Variants in PAQR9 observed in about 807,000 individuals in gnomAD.
The protein encoded by PAQR9 is progestin and adipoQ receptor family member 9.
PAQR9 carries 12 observed loss-of-function variants against 24.0 expected under a neutral mutation model. The ratio of observed to expected loss-of-function variants is 0.50; its 90% CI spans 0.32 to 0.81. The LOEUF is 0.81. Ranked by LOEUF, PAQR9 falls within the 30% of genes least tolerant of loss-of-function variation. The pLI, the probability that PAQR9 is intolerant of heterozygous loss-of-function variation, is 0.03. For missense variants in PAQR9, 418 were observed against 520.8 expected, an observed-to-expected ratio of 0.80 and a Z score of 1.92; for synonymous variants, 266 against 237.6, an observed-to-expected ratio of 1.12 and a Z score of -1.10.
rs768622994 is a variant in PAQR9 at position 142,958,443 on chromosome 3, G to C, written c.*3760C>G. On this transcript the variant is annotated 3_prime_UTR_variant, in exon 1 of 1. Transcript: ENST00000340634. The stretch of plus-strand genomic sequence containing the variant: ...CCTGTCACCTTGGACCAACTATAAA[G>C]CTTTGAAATGGAGATAACTCCCACC... Among the ~76,000 whole-genome samples, 6 of 152,154 alleles carry C rather than the reference G, an allele frequency of 3.9e-5. No individual in the cohort carries two copies. The highest frequency in any genetic ancestry group is 7.3e-5 in the Non-Finnish European group (5 of 68,034).
At position 142,963,301 on chromosome 3, in the gene PAQR9, T is replaced by G; in HGVS notation, c.36A>C (p.Thr12=). ...PRRLQPRGAG[T]KGPPAPAPAA... ...CCGGGGCCGGGGCCGGAGGGCCTTT[T>G]GTGCCCGCGCCCCGGGGCTGCAGGC... The change falls in exon 1 of 1, where the codon ACA becomes ACC. Residue 12 remains threonine (T), a synonymous_variant. Transcript: ENST00000340634. The G allele has an allele frequency of 7.0e-7, 1 of 1,429,612 alleles. No homozygotes were observed. Among genetic ancestry groups the G allele is most frequent in the Non-Finnish European group, 9.1e-7 (1 of 1,099,126 alleles). The allele number at this position is 1,429,612 out of a possible 1,614,324, so 88.6% of individuals were successfully genotyped here.
rs140928660 is a variant in PAQR9 at position 142,960,374 on chromosome 3, C to T, written c.*1829G>A. On this transcript the variant is annotated 3_prime_UTR_variant, in exon 1 of 1. Transcript: ENST00000340634. Reference sequence around the variant, plus strand: ...CATGATCTAAGTTATATCATAAAATCAAGATGCACCTGTGGGACATGATCA... The same window carrying T: ...CATGATCTAAGTTATATCATAAAATTAAGATGCACCTGTGGGACATGATCA... 5 of 152,320 alleles carry T rather than the reference C, an allele frequency of 3.3e-5. No homozygotes were observed. The East Asian group carries it at 9.6e-4, about 29-fold the overall frequency. The allele number at this position is 152,320 out of a possible 1,614,324, so 9.4% of individuals were successfully genotyped here. A position where few individuals can be genotyped will look rare whatever the true frequency, so the allele number is the denominator to read the frequency against.
downstream of PAQR9, among the ~76,000 whole-genome samples, chr3:142,951,410 A>G (rs1047242144): frequency 3.9e-5 from 6 of 152,214 alleles, no homozygotes; most frequent in African/African-American, 1.4e-4. Context: ...TGTTTTGCCA[A>G]GGAAAATTAA....
downstream of PAQR9, among the ~76,000 whole-genome samples, chr3:142,951,338 C>CT (rs964604497): frequency 3.5e-4 from 54 of 152,216 alleles, no homozygotes; most frequent in African/African-American, 1.3e-3. Context: ...CCTAGTGTTT[C>CT]TTTTTTTGCT....
rs1031579917 is a variant in PAQR9 at position 142,963,340 on chromosome 3, GC to G, written c.-5del. On this transcript the variant is annotated 5_prime_UTR_variant, in exon 1 of 1. Coordinates refer to ENST00000340634, the MANE Select transcript of PAQR9 (RefSeq NM_198504.4). ...GGGGCTGCAGGCGCCGCGGCATGGT[GC>G]CCGGGGCTCGGCTAGGGCGCGCGCA... 1.4e-5 allele frequency: 19 copies of G among 1,336,840 alleles called. No individual in the cohort carries two copies. In the African/African-American group the frequency reaches 3.0e-4, roughly 21 times the overall value. 82.8% of individuals were successfully genotyped at this position (1,336,840 alleles called of 1,614,324 possible). A position where few individuals can be genotyped will look rare whatever the true frequency, so the allele number is the denominator to read the frequency against.
chr3:142,961,984 CT>C lies in PAQR9; in HGVS notation c.*218del. On this transcript the variant is annotated 3_prime_UTR_variant, in exon 1 of 1. Coordinates refer to ENST00000340634, the MANE Select transcript of PAQR9 (RefSeq NM_198504.4). Reference sequence around the variant, plus strand: ...TTTTTCCAGGGGCAAGAACAAGTGACTATCTCCCTCCCGCTTGACCACCCCT... The same window carrying C: ...TTTTTCCAGGGGCAAGAACAAGTGACATCTCCCTCCCGCTTGACCACCCCT... The C allele has an allele frequency of 1.8e-6, 1 of 554,920 alleles. No homozygotes were observed. Among genetic ancestry groups the C allele is most frequent in the Non-Finnish European group, 3.2e-6 (1 of 314,904 alleles). 34.4% of individuals were successfully genotyped at this position (554,920 alleles called of 1,614,324 possible).
chr3:142,952,066 G>A (rs1027167386), downstream of PAQR9, among the ~76,000 whole-genome samples: 1 of 150,648 alleles, frequency 6.6e-6, no homozygotes, highest in Non-Finnish European at 1.5e-5. Context: ...GGTGTTGTTA[G>A]AGTGTGACAT....
chr3:142,963,015 T>G lies in PAQR9; in HGVS notation c.322A>C (p.Ser108Arg), dbSNP rs754493525. 1.9e-6 allele frequency: 3 copies of G among 1,613,786 alleles called. No individual in the cohort carries two copies. In the African/African-American group the frequency reaches 4.0e-5, roughly 22 times the overall value. Residue 108 changes from serine to arginine, a missense_variant, in exon 1 of 1, where the codon AGC (serine) becomes CGC (arginine). Physicochemically the swap from Ser to Arg is moderately radical, Grantham distance 110. Around this residue, in one of 3 missense-constraint regions of PAQR9, gnomAD observed 180 missense variants for 190.3 expected, o/e 0.95. Transcript: ENST00000340634. ...LSKFCRLFFL[S>R]GGDVPFHHPW... Reference sequence around the variant, plus strand: ...TGGTGGAAGGGCACGTCGCCGCCGCTCAGGAAGAACAGACGGCAGAACTTG... The same window carrying G: ...TGGTGGAAGGGCACGTCGCCGCCGCGCAGGAAGAACAGACGGCAGAACTTG...
chr3:142,962,041 G>A lies in PAQR9; in HGVS notation c.*162C>T, dbSNP rs1934900693. ...CCTCCCTACTTCAAAGCCTCCAGTG[G>A]GTTGGGATCCCTTTGTAGCAGTGAA... On this transcript the variant is annotated 3_prime_UTR_variant, in exon 1 of 1. Transcript: ENST00000340634. 2 of 823,754 alleles carry A rather than the reference G, an allele frequency of 2.4e-6. No homozygotes were observed. Among genetic ancestry groups the A allele is most frequent in the Non-Finnish European group, 3.8e-6 (2 of 525,236 alleles). The allele number at this position is 823,754 out of a possible 1,614,324, so 51.0% of individuals were successfully genotyped here. A position where few individuals can be genotyped will look rare whatever the true frequency, so the allele number is the denominator to read the frequency against.
downstream of PAQR9, chr3:142,952,762 G>A (rs1263373549): frequency 2.2e-6 from 1 of 456,674 alleles, no homozygotes; most frequent in South Asian, 1.5e-5. Flanking sequence ...GAAAAAACAA[G>A]AAGAGTGGGG....
exon 3 of PAQR9, chr3:142,949,200 A>C (rs1321638032): frequency 1.3e-5 from 2 of 152,230 alleles, no homozygotes; most frequent in Non-Finnish European, 2.9e-5. Flanking sequence ...AGAATTATTT[A>C]TTTCCTTAAA....
chr3:142,959,109 G>T lies in PAQR9; in HGVS notation c.*3094C>A, dbSNP rs1369948139. On this transcript the variant is annotated 3_prime_UTR_variant, in exon 1 of 1. Coordinates refer to ENST00000340634, the MANE Select transcript of PAQR9 (RefSeq NM_198504.4). ...GCTTCAAAATTCTACTGCCAAAATAGGTTGTACATAGATAATGGACTGAAT... is the reference window on the plus strand; with the variant it reads ...GCTTCAAAATTCTACTGCCAAAATATGTTGTACATAGATAATGGACTGAAT... 6.6e-6 allele frequency among the ~76,000 whole-genome samples: 1 copy of T among 152,156 alleles called. No homozygotes were observed. Among genetic ancestry groups the T allele is most frequent in the Non-Finnish European group, 1.5e-5 (1 of 68,036 alleles).
rs1256421623 is a variant in PAQR9 at position 142,963,290 on chromosome 3, G to T, written c.47C>A (p.Pro16Gln). The change falls in exon 1 of 1, where the codon CCG becomes CAG. Residue 16 changes from proline (P) to glutamine (Q), a missense_variant. Physicochemically the swap from Pro to Gln is moderately conservative, Grantham distance 76. This residue lies in a region of PAQR9 where 180 missense variants were observed against 190.3 expected (regional missense o/e 0.95). Coordinates refer to ENST00000340634, the MANE Select transcript of PAQR9 (RefSeq NM_198504.4). Reference sequence around the variant, plus strand: ...CCCCGAAGCTGCCGGGGCCGGGGCCGGAGGGCCTTTTGTGCCCGCGCCCCG... The same window carrying T: ...CCCCGAAGCTGCCGGGGCCGGGGCCTGAGGGCCTTTTGTGCCCGCGCCCCG... ...QPRGAGTKGP[P>Q]APAPAASGAA... The T allele has an allele frequency of 1.4e-6, 2 of 1,459,806 alleles. No homozygotes were observed. Among genetic ancestry groups the T allele is most frequent in the Non-Finnish European group, 1.8e-6 (2 of 1,111,572 alleles). The allele number at this position is 1,459,806 out of a possible 1,614,324, so 90.4% of individuals were successfully genotyped here.
rs1198046236 is a variant in PAQR9 at position 142,957,493 on chromosome 3, TA to T, written c.*4709del. On this transcript the variant is annotated 3_prime_UTR_variant, in exon 1 of 1. Transcript: ENST00000340634. ...TTCATAAGTTACAACACAAAGATCCTAAAAGGCTAGAGAGCATTAGTTAATC... is the reference window on the plus strand; with the variant it reads ...TTCATAAGTTACAACACAAAGATCCTAAAGGCTAGAGAGCATTAGTTAATC... 6.6e-6 allele frequency among the ~76,000 whole-genome samples: 1 copy of T among 152,232 alleles called. No individual in the cohort carries two copies. The highest frequency in any genetic ancestry group is 1.5e-5 in the Non-Finnish European group (1 of 68,038).
rs1233139613 is a variant in PAQR9 at position 142,960,176 on chromosome 3, T to A, written c.*2027A>T. On this transcript the variant is annotated 3_prime_UTR_variant, in exon 1 of 1. Coordinates refer to ENST00000340634, the MANE Select transcript of PAQR9 (RefSeq NM_198504.4). The stretch of plus-strand genomic sequence containing the variant: ...ATTCTAAATTAAATATAGACATATA[T>A]AAATTTAACTTCTATGTGCAAAGTA... Among the ~76,000 whole-genome samples the A allele has an allele frequency of 6.6e-6, 1 of 152,190 alleles. No individual in the cohort carries two copies. The highest frequency in any genetic ancestry group is 1.5e-5 in the Non-Finnish European group (1 of 68,032).
chr3:142,957,805 G>C lies in PAQR9; in HGVS notation c.*4398C>G, dbSNP rs1490954502. On this transcript the variant is annotated 3_prime_UTR_variant, in exon 1 of 1. Transcript: ENST00000340634. ...CAAGTTATTTTTAACAATAGGCCTA[G>C]GAGCACACAGAAAAAGAAAAAAGAA... 6.6e-6 allele frequency among the ~76,000 whole-genome samples: 1 copy of C among 152,100 alleles called. No homozygotes were observed. The highest frequency in any genetic ancestry group is 1.5e-5 in the Non-Finnish European group (1 of 68,028).
downstream of PAQR9, among the ~76,000 whole-genome samples, chr3:142,952,183 TAC>T (rs1934726039): frequency 6.6e-6 from 1 of 152,054 alleles, no homozygotes; most frequent in Non-Finnish European, 1.5e-5. Flanking sequence ...TTGATGAACA[TAC>T]AGGAGAACAA....
At position 142,956,605 on chromosome 3, in the gene PAQR9, A is replaced by G. The variant is rs918999251; in HGVS notation, c.*5598T>C. Among the ~76,000 whole-genome samples, 12 of 152,220 alleles carry G rather than the reference A, an allele frequency of 7.9e-5. No homozygotes were observed. Among genetic ancestry groups the G allele is most frequent in the African/African-American group, 2.9e-4 (12 of 41,454 alleles). On this transcript the variant is annotated 3_prime_UTR_variant, in exon 1 of 1. Coordinates refer to ENST00000340634, the MANE Select transcript of PAQR9 (RefSeq NM_198504.4). ...AATAAGTGTGCATACTGTTGCATAT[A>G]GGTATATGTTCAGAGCTTTCAAAAG...
chr3:142,963,147 G>A lies in PAQR9; in HGVS notation c.190C>T (p.Arg64Trp), dbSNP rs756071970. The A allele has an allele frequency of 6.2e-7, 1 of 1,607,990 alleles. No homozygotes were observed. The highest frequency in any genetic ancestry group is 2.2e-5 in the East Asian group (1 of 44,496). Residue 64 changes from arginine to tryptophan, a missense_variant, in exon 1 of 1, where the codon CGG (arginine) becomes TGG (tryptophan). This residue lies in a region of PAQR9 where 180 missense variants were observed against 190.3 expected (regional missense o/e 0.95). Transcript: ENST00000340634. The part of the protein sequence containing the change: ...FVECFILSGY[R>W]RLPCTAQECL... ...TCCTGGGCCGTGCACGGCAGACGCCGGTAGCCCGACAGGATGAAGCACTCC... is the reference window on the plus strand; with the variant it reads ...TCCTGGGCCGTGCACGGCAGACGCCAGTAGCCCGACAGGATGAAGCACTCC...
Sources: gnomAD v4.1 joint callset for allele counts (sites outside exome capture counted in the v4.1 genomes callset) on GRCh38, gnomAD v4.1.1 for gene constraint, gnomAD v4.1.1 regional missense constraint, MANE v1.5 for transcripts, NCBI Gene and HGNC (gene_info 2026-07-23, HGNC 2026-07-21) for gene names.